DPP6: variants seen among roughly 807,000 people sequenced by gnomAD.
DPP6 encodes the protein dipeptidyl peptidase like 6.
A neutral mutation model predicts 122.6 loss-of-function variants in DPP6; 69 were observed. The ratio of observed to expected loss-of-function variants is 0.56; its 90% CI spans 0.46 to 0.69. The LOEUF (loss-of-function observed/expected upper bound fraction) is 0.69. Among genes scored for constraint, DPP6 ranks in the 30% least tolerant of loss-of-function variants. The pLI, the probability that DPP6 is intolerant of heterozygous loss-of-function variation, is 0.00. For synonymous variants in DPP6, 418 were observed against 433.1 expected, an observed-to-expected ratio of 0.97 and a Z score of 0.43; for missense variants, 928 against 1,116.9, an observed-to-expected ratio of 0.83 and a Z score of 2.41.
the DPP6 span, among the ~76,000 whole-genome samples, chr7:153,823,642 G>A: frequency 6.7e-6 from 1 of 150,224 alleles, no homozygotes; most frequent in Admixed American, 6.6e-5. Context: ...TACTCCCCGG[G>A]GATCAGGGAA....
rs1833564275 is a variant in DPP6 at position 154,605,670 on chromosome 7, ATTTTCTC to A, written c.628-32146_628-32140del. On this transcript the variant is annotated intron_variant, in intron 5 of 25. Coordinates refer to ENST00000377770, the MANE Select transcript of DPP6 (RefSeq NM_130797.4). ...CTCAAAGACCTATAGTTTGGTTTTC[ATTTTCTC>A]TTTTTATCTTTGCTTAATCTCTCAT... is the stretch of plus-strand genomic sequence containing the variant. 1.7e-5 allele frequency among the ~76,000 whole-genome samples: 2 copies of A among 118,372 alleles called. 1 individual carries two copies. Among genetic ancestry groups the A allele is most frequent in the Non-Finnish European group, 3.8e-5 (2 of 52,732 alleles). The allele number at this position is 118,372 out of a possible 152,430, so 77.7% of individuals were successfully genotyped here. A position where few individuals can be genotyped will look rare whatever the true frequency, so the allele number is the denominator to read the frequency against.
intron 5 of DPP6, among the ~76,000 whole-genome samples, chr7:154,579,013 C>G (rs1000500878): frequency 6.6e-6 from 1 of 152,146 alleles, no homozygotes; most frequent in African/African-American, 2.4e-5. Context: ...CTTCAAGAGG[C>G]TCTGAATTCT....
At chr7:153,988,366 T>TG (rs1262109562) in intron 1 of DPP6, among the ~76,000 whole-genome samples, 4 of 20,410 alleles carry the variant, frequency 2.0e-4, no homozygotes, top group Admixed American at 7.6e-4. Flanking sequence ...CATCAGAAAG[T>TG]GGATACCACT....
intron 1 of DPP6, among the ~76,000 whole-genome samples, chr7:154,301,927 C>T (rs1173767338): frequency 2.0e-5 from 3 of 151,730 alleles, no homozygotes; most frequent in East Asian, 1.9e-4. Context: ...AAGTGATCCT[C>T]CTGCCTCAGC....
At chr7:153,958,932 A>G (rs137984820) in intron 1 of DPP6, among the ~76,000 whole-genome samples, 7,001 of 151,890 alleles carry the variant, frequency 0.046, 531 homozygotes, top group African/African-American at 0.16. Flanking sequence ...GCACCTTCCC[A>G]CACCCCCTGC....
In DPP6 at chr7:154,605,590, C is replaced by T. The variant is rs1402268700; in HGVS notation, c.628-32231C>T. ...TTTTCTGTCCTTATAGTGTTTGTCC[C>T]TTTTCTGTTTTGATCTTGATCAATT... On this transcript the variant is annotated intron_variant, in intron 5 of 25. Coordinates refer to ENST00000377770, the MANE Select transcript of DPP6 (RefSeq NM_130797.4). Among the ~76,000 whole-genome samples the T allele has an allele frequency of 1.7e-5, 2 of 118,392 alleles. 1 individual carries two copies. Among genetic ancestry groups the T allele is most frequent in the Non-Finnish European group, 3.8e-5 (2 of 52,608 alleles). The allele number at this position is 118,392 out of a possible 152,430, so 77.7% of individuals were successfully genotyped here.
rs549224530 is a variant in DPP6, at chr7:154,216,642, C to A, written c.243+163579C>A. Among the ~76,000 whole-genome samples, 5 of 152,168 alleles carry A rather than the reference C, an allele frequency of 3.3e-5. No individual in the cohort carries two copies. In the East Asian group the frequency reaches 9.7e-4, roughly 29 times the overall value. ...AAAGGCTCCCTTTCAAATTACAGAA[C>A]CATTGGGTAATTCTTCTATTACCCA... On this transcript the variant is annotated intron_variant, in intron 1 of 25. Transcript: ENST00000377770.
At chr7:154,837,212 GCA>G (rs1473245002) in intron 16 of DPP6, among the ~76,000 whole-genome samples, 3 of 146,594 alleles carry the variant, frequency 2.0e-5, no homozygotes, top group South Asian at 2.1e-4. Context: ...ATTCACACAT[GCA>G]CACACATGCA....
intron 3 of DPP6, among the ~76,000 whole-genome samples, chr7:154,537,760 G>T (rs187285379): frequency 0.024 from 3,607 of 150,886 alleles, 129 homozygotes; most frequent in African/African-American, 0.082. Context: ...AAGGAGAGAG[G>T]AGGGGAGGGG....
chr7:154,868,898 C>T (rs1201643380), intron 18 of DPP6, among the ~76,000 whole-genome samples: 12 of 152,328 alleles, frequency 7.9e-5, no homozygotes, highest in Admixed American at 3.3e-4. Context: ...GCATAGCAGC[C>T]TTTTGGTGGT....
Position 154,774,460 on chromosome 7 carries a change from C to T in DPP6, c.1136+1518C>T, listed in dbSNP as rs74437655. On this transcript the variant is annotated intron_variant, in intron 10 of 25. Coordinates refer to ENST00000377770, the MANE Select transcript of DPP6 (RefSeq NM_130797.4). The stretch of plus-strand genomic sequence containing the variant: ...ATCTGTTTGAGTTAATTGAAAATCT[C>T]GTTTAGTCAATTTGGTGATGCTGTT... Among the ~76,000 whole-genome samples, 727 of 152,250 alleles carry T rather than the reference C, an allele frequency of 4.8e-3. 5 individuals are homozygous for T. The highest frequency in any genetic ancestry group is 0.016 in the African/African-American group (684 of 41,534).
chr7:153,913,316 A>G (rs796101566), intron 1 of DPP6, among the ~76,000 whole-genome samples: 3 of 152,166 alleles, frequency 2.0e-5, no homozygotes, highest in African/African-American at 4.8e-5. Context: ...TCAAGTCATC[A>G]CCCACCATGA....
chr7:153,976,326 A>G (rs978256275), intron 1 of DPP6, among the ~76,000 whole-genome samples: 7 of 152,204 alleles, frequency 4.6e-5, no homozygotes, highest in Admixed American at 1.3e-4. Flanking sequence ...CCTTGGGCGC[A>G]TTTCTCTAAC....
chr7:154,545,959 G>A lies in DPP6; in HGVS notation c.552+5333G>A, dbSNP rs575655411. On this transcript the variant is annotated intron_variant, in intron 4 of 25. Coordinates refer to ENST00000377770, the MANE Select transcript of DPP6 (RefSeq NM_130797.4). The stretch of plus-strand genomic sequence containing the variant: ...TTGTATCACTTAAATTCTGCCAGGT[G>A]TTTGGAAAGCAACTTAGTGATACGT... Among the ~76,000 whole-genome samples, 6 of 152,276 alleles carry A rather than the reference G, an allele frequency of 3.9e-5. No individual in the cohort carries two copies. In the South Asian group the frequency reaches 1.2e-3, roughly 32 times the overall value.
chr7:153,982,460 G>A (rs1241187826), intron 1 of DPP6, among the ~76,000 whole-genome samples: 1 of 151,914 alleles, frequency 6.6e-6, no homozygotes, highest in African/African-American at 2.4e-5. Context: ...TTTTATCAAA[G>A]TTCTTAGCTT....
At chr7:153,909,592 C>A (rs1357247348) in intron 1 of DPP6, among the ~76,000 whole-genome samples, 1 of 152,148 alleles carries the variant, frequency 6.6e-6, no homozygotes, top group Admixed American at 6.5e-5. Flanking sequence ...TTGGTTCTTA[C>A]CACTGCATGG....
chr7:154,052,506 C>T lies in DPP6; in HGVS notation c.-315C>T, dbSNP rs1449335889. 2 of 517,008 alleles carry T rather than the reference C, an allele frequency of 3.9e-6. No homozygotes were observed. Among genetic ancestry groups the T allele is most frequent in the East Asian group, 1.0e-4 (1 of 9,666 alleles). The allele number at this position is 517,008 out of a possible 1,614,324, so 32.0% of individuals were successfully genotyped here. On this transcript the variant is annotated 5_prime_UTR_variant, in exon 1 of 26. In the 5' UTR this introduces an upstream ATG that the reference lacks. Transcript: ENST00000377770. This position sits in a 1 kb window ranked among gnomAD's most constrained non-coding sequence, Gnocchi z 4.8. ...CTTCAATCTCTTTGATTAGGCCGTA[C>T]GTGGCTGTGGCAAGGAGTTGGGGAA... is the stretch of plus-strand genomic sequence containing the variant.
At position 154,541,992 on chromosome 7, in the gene DPP6, C is replaced by G. The variant is rs189458579; in HGVS notation, c.552+1366C>G. ...ATCCACAGAAATGCTGTGCTGCCTT[C>G]TTTTCCCTCCTAAAGAACATGTAAC... On this transcript the variant is annotated intron_variant, in intron 4 of 25. Transcript: ENST00000377770. 3.6e-3 allele frequency among the ~76,000 whole-genome samples: 545 copies of G among 152,314 alleles called. 7 individuals are homozygous for G. Among genetic ancestry groups the G allele is most frequent in the African/African-American group, 0.013 (525 of 41,566 alleles).
intron 1 of DPP6, among the ~76,000 whole-genome samples, chr7:154,090,989 CG>C (rs1371442868): frequency 1.3e-5 from 2 of 150,812 alleles, no homozygotes; most frequent in Non-Finnish European, 3.0e-5. Context: ...GGCGTGGTGG[CG>C]GGTGCCTGTA....
Sources: gnomAD v4.1 joint callset for allele counts (sites outside exome capture counted in the v4.1 genomes callset) on GRCh38, gnomAD v4.1.1 for gene constraint, Gnocchi (gnomAD v3.1) non-coding constraint, MANE v1.5 for transcripts, NCBI Gene and HGNC (gene_info 2026-07-23, HGNC 2026-07-21) for gene names.